The following FIG4 variants were observed in gnomAD, a reference collection of about 807,000 sequenced individuals.
The protein encoded by FIG4 is FIG4 phosphoinositide 5-phosphatase.
Under a neutral mutation model 118.6 loss-of-function variants are expected in FIG4, and 112 were observed. The observed-to-expected ratio is 0.94, with a 90% CI of 0.81 to 1.11. The LOEUF (loss-of-function observed/expected upper bound fraction) is 1.11, where lower values mean the gene tolerates loss of function less well. Ranked by LOEUF, FIG4 falls within the 50% of genes least tolerant of loss-of-function variation. The pLI is 0.00. For missense variants in FIG4, 969 were observed against 1,111.7 expected (o/e 0.87, Z 1.83); for synonymous variants, 369 against 381.2 (o/e 0.97, Z 0.37).
chr6:109,743,398 T>C (rs1466904125), intron 9 of FIG4, 126 bp downstream of exon 9: 1 of 882,138 alleles, frequency 1.1e-6, no homozygotes. Flanking sequence ...GTAGATAATT[T>C]AGAAGAGGAA....
At chr6:109,737,465 G>A (rs1444057819) in intron 6 of FIG4, among the ~76,000 whole-genome samples, 3 of 151,960 alleles carry the variant, frequency 2.0e-5, no homozygotes, top group Non-Finnish European at 4.4e-5. Flanking sequence ...TAATTCTCTC[G>A]TGTAATGCAT....
intron 7 of FIG4, among the ~76,000 whole-genome samples, chr6:109,740,290 T>C (rs924636969): frequency 6.6e-6 from 1 of 152,188 alleles, no homozygotes; most frequent in Non-Finnish European, 1.5e-5. Context: ...AGCACCATGA[T>C]AGATGATCAT....
chr6:109,814,590 T>C (rs551930274), intron 22 of FIG4, among the ~76,000 whole-genome samples: 1 of 152,314 alleles, frequency 6.6e-6, no homozygotes, highest in East Asian at 1.9e-4. Flanking sequence ...TTTTTTTCAT[T>C]GTTTTTCTTA....
chr6:109,755,733 G>A (rs1562664919), intron 10 of FIG4, among the ~76,000 whole-genome samples: 1 of 152,132 alleles, frequency 6.6e-6, no homozygotes, highest in South Asian at 2.1e-4. Context: ...TTTCAAATCT[G>A]TTTTATCAGA....
chr6:109,792,575 A>T lies in FIG4; in HGVS notation c.2377-7A>T. 1 of 1,554,436 alleles carries T rather than the reference A, an allele frequency of 6.4e-7. No individual in the cohort carries two copies. The highest frequency in any genetic ancestry group is 1.4e-5 in the African/African-American group (1 of 73,148). ...CCTGGTTCTTCTTTTTTTTTTTTAA[A>T]CCCCAGAATGTGGTCCAACCCATGA... On this transcript the variant is annotated splice_polypyrimidine_tract_variant and splice_region_variant and intron_variant, in intron 20 of 22. Coordinates refer to ENST00000230124, the MANE Select transcript of FIG4 (RefSeq NM_014845.6).
At chr6:109,802,475 C>A (rs1204812223) in intron 22 of FIG4, among the ~76,000 whole-genome samples, 2 of 152,210 alleles carry the variant, frequency 1.3e-5, no homozygotes, top group Admixed American at 6.5e-5. Context: ...TAAAGTATGA[C>A]CACAAGGCAC....
At chr6:109,743,401 A>G in intron 9 of FIG4, 129 bp downstream of exon 9, 1 of 863,462 alleles carries the variant, frequency 1.2e-6, no homozygotes, top group Non-Finnish European at 1.9e-6. Context: ...GATAATTTAG[A>G]AGAGGAATTT....
intron 22 of FIG4, among the ~76,000 whole-genome samples, chr6:109,800,894 A>T (rs1051460778): frequency 6.6e-6 from 1 of 152,170 alleles, no homozygotes; most frequent in Non-Finnish European, 1.5e-5. Flanking sequence ...GTCTGCCTCT[A>T]CTGCACCTGT....
At chr6:109,805,484 T>C (rs1448469578) in intron 22 of FIG4, among the ~76,000 whole-genome samples, 2 of 152,198 alleles carry the variant, frequency 1.3e-5, no homozygotes, top group Non-Finnish European at 2.9e-5. Flanking sequence ...GAAATTTTTA[T>C]ATTCTTAAAA....
intron 3 of FIG4, among the ~76,000 whole-genome samples, chr6:109,724,437 C>T (rs1030291015): frequency 6.6e-6 from 1 of 152,126 alleles, no homozygotes; most frequent in African/African-American, 2.4e-5. Flanking sequence ...TTGAATTGTG[C>T]CTTGGCATAT....
intron 22 of FIG4, among the ~76,000 whole-genome samples, chr6:109,811,248 T>C (rs908753157): frequency 1.3e-5 from 2 of 152,004 alleles, no homozygotes; most frequent in Non-Finnish European, 1.5e-5. Flanking sequence ...GGGAGGAAGA[T>C]TTAGGGTTGC....
chr6:109,791,769 C>T (rs1256049149), intron 20 of FIG4, among the ~76,000 whole-genome samples, 198 bp downstream of exon 20: 3 of 152,144 alleles, frequency 2.0e-5, no homozygotes, highest in South Asian at 2.1e-4. Context: ...TGTTTTTGCT[C>T]GCATGTGTAA....
At chr6:109,753,418 T>C (rs7761113) in intron 10 of FIG4, among the ~76,000 whole-genome samples, 121,139 of 149,624 alleles carry the variant, frequency 0.81, 49,477 homozygotes, top group African/African-American at 0.94. Context: ...ATTGACTTGG[T>C]GATGCGGGCT....
chr6:109,785,880 AGTT>A (rs1777938382), intron 17 of FIG4: 2 of 333,488 alleles, frequency 6.0e-6, no homozygotes, highest in Admixed American at 3.7e-5. Flanking sequence ...GAAAAGGTTT[AGTT>A]GTTCTGGGAG....
At chr6:109,741,301 T>C (rs1776315639) in intron 7 of FIG4, 143 bp from the exon 8 acceptor site, 1 of 746,376 alleles carries the variant, frequency 1.3e-6, no homozygotes, top group Admixed American at 1.8e-5. Flanking sequence ...TTAGATCAAG[T>C]GCTGTTCCAT....
At chr6:109,720,607 C>A (rs188858033) in intron 3 of FIG4, among the ~76,000 whole-genome samples, 1 of 152,254 alleles carries the variant, frequency 6.6e-6, no homozygotes, top group Admixed American at 6.5e-5. Flanking sequence ...TAATACTATC[C>A]AAACTAGTCT....
intron 1 of FIG4, 31 bp downstream of exon 1, chr6:109,691,532 G>T (rs764876093): frequency 6.5e-7 from 1 of 1,542,624 alleles, no homozygotes; most frequent in Admixed American, 1.9e-5. Flanking sequence ...GGGCGCAGGC[G>T]GGAGGATGGA....
intron 22 of FIG4, among the ~76,000 whole-genome samples, chr6:109,807,433 CCTT>C (rs1356231733): frequency 6.6e-6 from 1 of 152,088 alleles, no homozygotes; most frequent in Admixed American, 6.5e-5. Context: ...CTGTTCATAT[CCTT>C]CTCCCACTTT....
At position 109,712,453 on chromosome 6, in the gene FIG4, CT is replaced by C. The variant is rs966691571; in HGVS notation, c.67-2616del. On this transcript the variant is annotated intron_variant, in intron 1 of 22. Coordinates refer to ENST00000230124, the MANE Select transcript of FIG4 (RefSeq NM_014845.6). The stretch of plus-strand genomic sequence containing the variant: ...GAGGGTTTGTTCATACCTTTTCATT[CT>C]TTTTTTTTCTCTATTCTTGTCTTAT... 5.1e-4 allele frequency among the ~76,000 whole-genome samples: 77 copies of C among 151,656 alleles called. 1 individual carries two copies. Among genetic ancestry groups the C allele is most frequent in the Non-Finnish European group, 8.8e-4 (60 of 67,860 alleles).
Sources: allele counts gnomAD v4.1 joint callset (sites outside exome capture counted in the v4.1 genomes callset), GRCh38; gene constraint gnomAD v4.1.1; transcripts MANE v1.5; gene names NCBI Gene and HGNC (gene_info 2026-07-23, HGNC 2026-07-21).